Variants in PDZD2 observed in about 807,000 individuals in gnomAD.
PDZD2 encodes PDZ domain-containing protein 2.
PDZD2 carries 90 observed loss-of-function variants against 220.7 expected under a neutral mutation model. That is an observed-to-expected ratio of 0.41 (90% CI 0.34 to 0.49). The LOEUF (loss-of-function observed/expected upper bound fraction) is 0.49, where lower values mean the gene tolerates loss of function less well. PDZD2 is among the 20% of genes least tolerant of loss of function. The pLI is 0.28. For missense variants in PDZD2, 3,174 were observed against 3,608.5 expected, an observed-to-expected ratio of 0.88 and a Z score of 3.08; for synonymous variants, 1,375 against 1,450.5, an observed-to-expected ratio of 0.95 and a Z score of 1.18.
intron 1 of PDZD2, among the ~76,000 whole-genome samples, chr5:31,777,421 G>C (rs1184253746): frequency 6.6e-6 from 1 of 152,080 alleles, no homozygotes; most frequent in African/African-American, 2.4e-5. Context: ...GCTCCCACGT[G>C]TCCGGAGCCT....
At chr5:31,809,832 G>A (rs1360789506) in intron 2 of PDZD2, among the ~76,000 whole-genome samples, 5 of 152,172 alleles carry the variant, frequency 3.3e-5, no homozygotes, top group African/African-American at 1.2e-4. Context: ...GAGGATTGAG[G>A]TTTCAGAGCC....
At chr5:31,922,062 G>A (rs1417290030) in intron 2 of PDZD2, among the ~76,000 whole-genome samples, 1 of 151,246 alleles carries the variant, frequency 6.6e-6, no homozygotes, top group Non-Finnish European at 1.5e-5. Flanking sequence ...ATTCCCATGG[G>A]AAATCTCCTC....
Position 32,072,332 on chromosome 5 carries a change from C to T in PDZD2, c.2725+15C>T, listed in dbSNP as rs1740835231. The T allele has an allele frequency of 6.3e-7, 1 of 1,599,606 alleles. No individual in the cohort carries two copies. On this transcript the variant is annotated intron_variant, in intron 17 of 24. Transcript: ENST00000438447. ...CAGCACCTCCAGTAAGCAGGGGTGC[C>T]CCAGAGGGCCTGGGCTCTGCATTCC...
chr5:31,752,729 C>A (rs1268952052), intron 1 of PDZD2, among the ~76,000 whole-genome samples: 1 of 152,092 alleles, frequency 6.6e-6, no homozygotes, highest in African/African-American at 2.4e-5. Context: ...GCAGGTTTCT[C>A]TTGATTTTCT....
At chr5:31,961,692 T>G (rs1748246567) in intron 2 of PDZD2, among the ~76,000 whole-genome samples, 1 of 152,240 alleles carries the variant, frequency 6.6e-6, no homozygotes, top group Non-Finnish European at 1.5e-5. Flanking sequence ...TCGCCCAGGC[T>G]GGAGTGTGGT....
intron 2 of PDZD2, among the ~76,000 whole-genome samples, chr5:31,826,999 T>C (rs970076045): frequency 6.6e-6 from 1 of 152,132 alleles, no homozygotes; most frequent in African/African-American, 2.4e-5. Context: ...AGTGTGTCTG[T>C]CCCTATAGAC....
At chr5:31,751,311 G>C (rs1750958702) in intron 1 of PDZD2, among the ~76,000 whole-genome samples, 2 of 151,980 alleles carry the variant, frequency 1.3e-5, no homozygotes, top group Non-Finnish European at 2.9e-5. Flanking sequence ...TAGGCGATGG[G>C]GGTTAGAGCA....
intron 2 of PDZD2, chr5:31,854,833 A>C (rs1758284786): frequency 3.6e-6 from 1 of 275,566 alleles, no homozygotes; most frequent in Non-Finnish European, 5.5e-6. Flanking sequence ...GGTTTTGACA[A>C]GTGAGCAGGG....
chr5:32,032,079 G>A (rs1755164018), intron 6 of PDZD2, among the ~76,000 whole-genome samples: 1 of 152,172 alleles, frequency 6.6e-6, no homozygotes, highest in Admixed American at 6.5e-5. Flanking sequence ...TTATTTGTTG[G>A]CTGGTGGGCT....
At chr5:32,001,726 C>T (rs1752120708) in intron 5 of PDZD2, among the ~76,000 whole-genome samples, 2 of 152,166 alleles carry the variant, frequency 1.3e-5, no homozygotes, top group South Asian at 2.1e-4. Flanking sequence ...AAAGAGGAGG[C>T]GTTGACCTCT....
chr5:31,748,968 G>A (rs1750765392), intron 1 of PDZD2, among the ~76,000 whole-genome samples: 2 of 152,154 alleles, frequency 1.3e-5, no homozygotes, highest in Non-Finnish European at 1.5e-5. Context: ...TCTCAGGCCT[G>A]GAGTAGCACT....
At position 31,850,243 on chromosome 5, in the gene PDZD2, T is replaced by TATACACAC. The variant is rs577432352; in HGVS notation, c.476+50520_476+50521insTACACACA. ...ATATATAAGTATATATATATATATATACACACACACACACACACATATATA... is the reference window on the plus strand; with the variant it reads ...ATATATAAGTATATATATATATATATATACACACACACACACACACACACACATATATA... On this transcript the variant is annotated intron_variant, in intron 2 of 24. Transcript: ENST00000438447. Among the ~76,000 whole-genome samples the TATACACAC allele has an allele frequency of 2.6e-3, 316 of 122,230 alleles. 5 individuals carry two copies. The highest frequency in any genetic ancestry group is 4.4e-3 in the East Asian group (20 of 4,558). 80.2% of individuals were successfully genotyped at this position (122,230 alleles called of 152,430 possible).
intron 1 of PDZD2, among the ~76,000 whole-genome samples, chr5:31,797,878 G>T (rs16901570): frequency 0.051 from 7,786 of 152,242 alleles, 276 homozygotes; most frequent in African/African-American, 0.1. Context: ...TGTTTTCCAC[G>T]TTGGATGGCA....
At chr5:31,786,678 A>G (rs2071706987) in intron 1 of PDZD2, among the ~76,000 whole-genome samples, 1 of 152,038 alleles carries the variant, frequency 6.6e-6, no homozygotes, top group East Asian at 1.9e-4. Context: ...GGGGGGGTGT[A>G]GGGGGAATGC....
chr5:32,068,554 A>G (rs1243417083), intron 14 of PDZD2, among the ~76,000 whole-genome samples: 1 of 152,178 alleles, frequency 6.6e-6, no homozygotes, highest in Non-Finnish European at 1.5e-5. Context: ...CTGGCATTAA[A>G]CTTTCTGTGA....
In PDZD2 at chr5:31,770,031, T is replaced by C. The variant is rs376417645; in HGVS notation, c.-360-28858T>C. 3.7e-4 allele frequency among the ~76,000 whole-genome samples: 57 copies of C among 152,338 alleles called. 2 individuals are homozygous for C. In the South Asian group the frequency reaches 0.012, roughly 31 times the overall value. On this transcript the variant is annotated intron_variant, in intron 1 of 24. Transcript: ENST00000438447. Reference sequence around the variant, plus strand: ...CTGGCAGCCTGAGGCAGACTCTTCTTTTCCGAAAGATGAAAAGCATGTCAC... The same window carrying C: ...CTGGCAGCCTGAGGCAGACTCTTCTCTTCCGAAAGATGAAAAGCATGTCAC...
At chr5:32,040,441 C>CATCGTCT (rs1289944254) in intron 7 of PDZD2, among the ~76,000 whole-genome samples, 1 of 147,426 alleles carries the variant, frequency 6.8e-6, no homozygotes, top group Admixed American at 6.8e-5. Flanking sequence ...CCGGACTGCC[C>CATCGTCT]ATCGTCTGCG....
intron 19 of PDZD2, among the ~76,000 whole-genome samples, chr5:32,086,307 C>T (rs1289465242): frequency 1.3e-5 from 2 of 152,172 alleles, no homozygotes; most frequent in African/African-American, 2.4e-5. Flanking sequence ...TCCATGAGGG[C>T]CCTGCTGCAT....
chr5:32,044,728 T>C (rs1481243506), intron 7 of PDZD2, among the ~76,000 whole-genome samples: 3 of 152,178 alleles, frequency 2.0e-5, no homozygotes, highest in Non-Finnish European at 4.4e-5. Context: ...GAGATGATGG[T>C]GCAGGGAAAG....
Sources: allele counts gnomAD v4.1 joint callset (sites outside exome capture counted in the v4.1 genomes callset), GRCh38; gene constraint gnomAD v4.1.1; transcripts MANE v1.5; gene names NCBI Gene and HGNC (gene_info 2026-07-23, HGNC 2026-07-21).